Variants in KLHL1 observed in about 807,000 individuals in gnomAD.
KLHL1 encodes the protein kelch-like protein 1.
KLHL1 carries 47 observed loss-of-function variants against 77.7 expected under a neutral mutation model. The observed-to-expected ratio is 0.60, with a 90% CI of 0.48 to 0.77. The LOEUF (loss-of-function observed/expected upper bound fraction) is 0.77. KLHL1 is among the 30% of genes least tolerant of loss of function. The pLI, the probability that KLHL1 is intolerant of heterozygous loss-of-function variation, is 0.00. For missense variants in KLHL1, 925 were observed against 910.8 expected (o/e 1.02, Z -0.20); for synonymous variants, 360 against 325.2 (o/e 1.11, Z -1.15).
intron 6 of KLHL1, among the ~76,000 whole-genome samples, chr13:69,831,310 T>C (rs577485016): frequency 1.3e-5 from 2 of 150,148 alleles, no homozygotes; most frequent in South Asian, 2.1e-4. Context: ...ACAGGACTAC[T>C]ATGATCACCT....
intron 3 of KLHL1, among the ~76,000 whole-genome samples, chr13:69,945,931 A>G (rs1428255389): frequency 2.6e-5 from 4 of 152,224 alleles, no homozygotes; most frequent in Non-Finnish European, 5.9e-5. Flanking sequence ...AAAATGTTAC[A>G]TGACAGGTAA....
At position 69,899,463 on chromosome 13, in the gene KLHL1, T is replaced by A. The variant is rs537900691; in HGVS notation, c.1015-16968A>T. Among the ~76,000 whole-genome samples, 3 of 152,284 alleles carry A rather than the reference T, an allele frequency of 2.0e-5. No homozygotes were observed. In the South Asian group the frequency reaches 6.2e-4, roughly 32 times the overall value. On this transcript the variant is annotated intron_variant, in intron 4 of 10. Transcript: ENST00000377844. Reference sequence around the variant, plus strand: ...ATTCTTCACCTCAATCTTACGGTCTTAAGTAGGGCCCCTTACAAGAAATTT... The same window carrying A: ...ATTCTTCACCTCAATCTTACGGTCTAAAGTAGGGCCCCTTACAAGAAATTT...
At chr13:69,978,599 GC>G (rs1354702024) in intron 1 of KLHL1, among the ~76,000 whole-genome samples, 2 of 151,290 alleles carry the variant, frequency 1.3e-5, no homozygotes, top group Non-Finnish European at 2.9e-5. Context: ...TGATTCTCCT[GC>G]CTCAGCCTCC....
chr13:69,985,514 G>A (rs574360220), intron 1 of KLHL1, among the ~76,000 whole-genome samples: 2 of 151,690 alleles, frequency 1.3e-5, no homozygotes, highest in African/African-American at 4.8e-5. Context: ...TGAGAATATG[G>A]AGAAAGGGAA....
In KLHL1 at chr13:69,939,344, T is replaced by C. The variant is rs1184990350; in HGVS notation, c.1014+696A>G. Among the ~76,000 whole-genome samples the C allele has an allele frequency of 2.7e-3, 84 of 30,944 alleles. 1 individual carries two copies. Among genetic ancestry groups the C allele is most frequent in the African/African-American group, 0.011 (71 of 6,406 alleles). 20.3% of individuals were successfully genotyped at this position (30,944 alleles called of 152,430 possible). A position where few individuals can be genotyped will look rare whatever the true frequency, so the allele number is the denominator to read the frequency against. On this transcript the variant is annotated intron_variant, in intron 4 of 10. Coordinates refer to ENST00000377844, the MANE Select transcript of KLHL1 (RefSeq NM_020866.3). The stretch of plus-strand genomic sequence containing the variant: ...TCATATATATACATATACATACATA[T>C]ATATATATATATATATATATATATA...
At chr13:69,952,981 A>G (rs868161528) in intron 3 of KLHL1, among the ~76,000 whole-genome samples, 1 of 151,358 alleles carries the variant, frequency 6.6e-6, no homozygotes, top group African/African-American at 2.4e-5. Flanking sequence ...GTTTTCAAAG[A>G]TGGTTATTAT....
chr13:69,764,432 A>T (rs937473192), intron 7 of KLHL1, among the ~76,000 whole-genome samples: 1 of 152,118 alleles, frequency 6.6e-6, no homozygotes, highest in African/African-American at 2.4e-5. Context: ...TATTCAATTA[A>T]ACTCTTAAGG....
chr13:70,073,512 C>A (rs1887185932), intron 1 of KLHL1, among the ~76,000 whole-genome samples: 1 of 151,606 alleles, frequency 6.6e-6, no homozygotes, highest in South Asian at 2.1e-4. Flanking sequence ...ACATATGTAA[C>A]AAGCCTGCAC....
intron 1 of KLHL1, among the ~76,000 whole-genome samples, chr13:70,070,285 C>T (rs1272891904): frequency 6.6e-6 from 1 of 151,976 alleles, no homozygotes; most frequent in East Asian, 1.9e-4. Flanking sequence ...CAAGATTCTT[C>T]ACCTAGGCAT....
At chr13:69,920,835 A>G (rs1566403314) in intron 4 of KLHL1, among the ~76,000 whole-genome samples, 1 of 152,292 alleles carries the variant, frequency 6.6e-6, no homozygotes, top group African/African-American at 2.4e-5. Context: ...ACCTCTAAAC[A>G]TTAATTCTCC....
chr13:69,878,411 A>T (rs2138188905), intron 5 of KLHL1, among the ~76,000 whole-genome samples: 1 of 152,212 alleles, frequency 6.6e-6, no homozygotes, highest in African/African-American at 2.4e-5. Context: ...TTGGCCATTT[A>T]CATCTGCAGG....
chr13:70,087,541 C>CT (rs1314336844), intron 1 of KLHL1, among the ~76,000 whole-genome samples: 1 of 137,292 alleles, frequency 7.3e-6, no homozygotes, highest in African/African-American at 2.9e-5. Flanking sequence ...TTTAAAAGGA[C>CT]TTAAAAAAAA....
chr13:69,833,837 A>G (rs953664824), intron 6 of KLHL1, among the ~76,000 whole-genome samples: 7 of 145,266 alleles, frequency 4.8e-5, no homozygotes, highest in Non-Finnish European at 9.0e-5. Context: ...GTATACATAT[A>G]TATATACACA....
At chr13:69,913,541 G>A (rs1013516346) in intron 4 of KLHL1, among the ~76,000 whole-genome samples, 3 of 152,176 alleles carry the variant, frequency 2.0e-5, no homozygotes, top group African/African-American at 7.2e-5. Flanking sequence ...TTTCAGTGAC[G>A]TAAACAGAGC....
intron 4 of KLHL1, among the ~76,000 whole-genome samples, chr13:69,939,359 A>ATATATG (rs1555283236): frequency 1.5e-4 from 14 of 91,216 alleles, no homozygotes; most frequent in Non-Finnish European, 3.0e-4. Flanking sequence ...ATATATATAT[A>ATATATG]TATATATATA....
intron 7 of KLHL1, among the ~76,000 whole-genome samples, chr13:69,762,482 T>G: frequency 6.6e-6 from 1 of 151,848 alleles, no homozygotes; most frequent in Non-Finnish European, 1.5e-5. Context: ...AATCAAACTC[T>G]TCATGATCTA....
chr13:69,916,786 T>C (rs1257992015), intron 4 of KLHL1, among the ~76,000 whole-genome samples: 1 of 152,068 alleles, frequency 6.6e-6, no homozygotes, highest in Non-Finnish European at 1.5e-5. Flanking sequence ...AGTAAATGGC[T>C]ATATTTACGA....
intron 4 of KLHL1, among the ~76,000 whole-genome samples, chr13:69,908,807 T>C (rs1474196179): frequency 1.3e-5 from 2 of 151,384 alleles, no homozygotes; most frequent in African/African-American, 4.8e-5. Flanking sequence ...CAATATTTCC[T>C]TGGACTTCAT....
intron 7 of KLHL1, among the ~76,000 whole-genome samples, chr13:69,781,085 C>CAT (rs1342813238): frequency 1.5e-5 from 2 of 136,818 alleles, no homozygotes; most frequent in East Asian, 4.2e-4. Context: ...TTTTGTGATA[C>CAT]ATTAGGACTG....
Sources: gnomAD v4.1 joint callset for allele counts (sites outside exome capture counted in the v4.1 genomes callset) on GRCh38, gnomAD v4.1.1 for gene constraint, MANE v1.5 for transcripts, NCBI Gene and HGNC (gene_info 2026-07-23, HGNC 2026-07-21) for gene names.